Variants in MPRIP observed in about 807,000 individuals in gnomAD.
MPRIP encodes the protein myosin phosphatase Rho interacting protein, also known as myosin phosphatase Rho-interacting protein.
Under a neutral mutation model 234.9 loss-of-function variants are expected in MPRIP, and 59 were observed. The ratio of observed to expected loss-of-function variants is 0.25; its 90% CI spans 0.20 to 0.31. The LOEUF is 0.31. MPRIP is among the 10% of genes least tolerant of loss of function. The pLI, the probability that MPRIP is intolerant of heterozygous loss-of-function variation, is 1.00. For synonymous variants in MPRIP, 1,144 were observed against 1,263.9 expected, an observed-to-expected ratio of 0.91 and a Z score of 2.01; for missense variants, 2,436 against 3,071.0, an observed-to-expected ratio of 0.79 and a Z score of 4.89.
At chr17:17,130,355 TCTCCTTCCCTCTCTTCCTGTC>T in intron 4 of MPRIP, among the ~76,000 whole-genome samples, 1 of 151,546 alleles carries the variant, frequency 6.6e-6, no homozygotes, top group Non-Finnish European at 1.5e-5. Context: ...TTCTTCATTT[TCTCCTTCCCTCTCTTCCTGTC>T]CTCCTCCCCT....
intron 15 of MPRIP, 96 bp from the exon 16 acceptor site, chr17:17,164,013 C>T: frequency 1.2e-6 from 1 of 809,772 alleles, no homozygotes; most frequent in Non-Finnish European, 1.8e-6. Flanking sequence ...CCAAAGCCAT[C>T]AAGGAGCTTT....
intron 2 of MPRIP, chr17:17,077,781 T>C: frequency 2.1e-6 from 1 of 474,484 alleles, no homozygotes; most frequent in East Asian, 3.4e-5. Flanking sequence ...AGACTTCTTA[T>C]TAAGCCTCAA....
intron 18 of MPRIP, 113 bp downstream of exon 18, chr17:17,172,928 G>C: frequency 1.1e-6 from 1 of 927,240 alleles, no homozygotes; most frequent in South Asian, 1.5e-5. Flanking sequence ...GTGGGGCCTG[G>C]GGCCCCTGGG....
In MPRIP at chr17:17,192,537, C is replaced by T. The variant is rs2046616433; in HGVS notation, c.*7643C>T. The T allele has an allele frequency of 6.8e-6, 1 of 146,502 alleles. No homozygotes were observed. The highest frequency in any genetic ancestry group is 7.2e-5 in the Admixed American group (1 of 13,952). 9.1% of individuals were successfully genotyped at this position (146,502 alleles called of 1,614,324 possible). Reference sequence around the variant, plus strand: ...TGTTACTTTGTCAGAATATTTATTCCTTTGTGTGACATGCTAGATTCCCTG... The same window carrying T: ...TGTTACTTTGTCAGAATATTTATTCTTTTGTGTGACATGCTAGATTCCCTG... On this transcript the variant is annotated 3_prime_UTR_variant, in exon 24 of 24. Transcript: ENST00000651222.
intron 3 of MPRIP, among the ~76,000 whole-genome samples, chr17:17,109,760 G>T (rs1349069462): frequency 6.6e-6 from 1 of 152,104 alleles, no homozygotes; most frequent in Non-Finnish European, 1.5e-5. Flanking sequence ...CAATTCTAGG[G>T]CTGGGGCGGG....
At chr17:17,044,166 CAA>C (rs1342715257) in intron 1 of MPRIP, among the ~76,000 whole-genome samples, 4 of 152,156 alleles carry the variant, frequency 2.6e-5, no homozygotes, top group African/African-American at 9.7e-5. Context: ...ATCTAAACCC[CAA>C]AAGCTTAACG....
In MPRIP at chr17:17,143,479, G is replaced by A. The variant is rs1243574226; in HGVS notation, c.1390-77G>A. The A allele has an allele frequency of 6.3e-6, 6 of 947,184 alleles. No homozygotes were observed. The East Asian group carries it at 1.8e-4, about 29-fold the overall frequency. 58.7% of individuals were successfully genotyped at this position (947,184 alleles called of 1,614,324 possible). A position where few individuals can be genotyped will look rare whatever the true frequency, so the allele number is the denominator to read the frequency against. On this transcript the variant is annotated intron_variant, in intron 8 of 23. Transcript: ENST00000651222. ...CAAGGCCCTGGCGGCTCTTGGAGGG[G>A]TGGACAGCACCAGCTCGTCCCTCAC...
At chr17:17,050,321 A>G (rs1766773728) in intron 1 of MPRIP, among the ~76,000 whole-genome samples, 1 of 139,258 alleles carries the variant, frequency 7.2e-6, no homozygotes, top group Non-Finnish European at 1.5e-5. Flanking sequence ...TCTCAAAAAA[A>G]AAAAAAAAAA....
At chr17:17,174,735 T>A (rs1321406319) in intron 19 of MPRIP, among the ~76,000 whole-genome samples, 1 of 150,168 alleles carries the variant, frequency 6.7e-6, no homozygotes, top group African/African-American at 2.5e-5. Context: ...CTGGGAAGGC[T>A]GAGGCAGGAG....
At chr17:17,083,963 G>A (rs1417760011) in intron 3 of MPRIP, among the ~76,000 whole-genome samples, 3 of 152,138 alleles carry the variant, frequency 2.0e-5, no homozygotes, top group African/African-American at 2.4e-5. Flanking sequence ...GGATGGTCTC[G>A]ATCTCCTGAC....
chr17:17,081,958 AT>A (rs1490707545), intron 3 of MPRIP, among the ~76,000 whole-genome samples: 4 of 152,092 alleles, frequency 2.6e-5, no homozygotes, highest in African/African-American at 9.7e-5. Flanking sequence ...AGCCTGAGAG[AT>A]TTGGCTGGGC....
Position 17,164,929 on chromosome 17 carries a change from G to A in MPRIP, c.3338G>A (p.Arg1113Gln), listed in dbSNP as rs529107643. 36 of 1,303,826 alleles carry A rather than the reference G, an allele frequency of 2.8e-5. No individual in the cohort carries two copies. The highest frequency in any genetic ancestry group is 5.6e-5 in the East Asian group (1 of 18,006). The allele number at this position is 1,303,826 out of a possible 1,614,324, so 80.8% of individuals were successfully genotyped here. ...LCDERDLLRQ[R>Q]FQELTERVAT... ...GACGAGCGGGACCTCCTCAGACAGC[G>A]GTTCCAGGAGCTGACAGAGCGCGTG... The change falls in exon 16 of 24, where the codon CGG (arginine) becomes CAG (glutamine). Residue 1113 changes from arginine (R) to glutamine (Q), a missense_variant. Transcript: ENST00000651222.
chr17:17,106,381 A>G (rs2090063327), intron 3 of MPRIP, among the ~76,000 whole-genome samples: 1 of 152,252 alleles, frequency 6.6e-6, no homozygotes, highest in African/African-American at 2.4e-5. Context: ...GGCAGGCAGC[A>G]GCAGGAACAC....
intron 23 of MPRIP, chr17:17,181,709 A>T (rs1183357640): frequency 6.6e-6 from 1 of 152,182 alleles, no homozygotes; most frequent in East Asian, 1.9e-4. Context: ...GTTCACTATT[A>T]GTGATTTGGG....
chr17:17,089,991 G>T (rs1206871262), intron 3 of MPRIP, among the ~76,000 whole-genome samples: 3 of 152,124 alleles, frequency 2.0e-5, no homozygotes, highest in Non-Finnish European at 4.4e-5. Context: ...GTAGAGCGCA[G>T]CAGACACGAC....
At chr17:17,177,925 ATTTT>A (rs35154903) in intron 22 of MPRIP, among the ~76,000 whole-genome samples, 4 of 127,254 alleles carry the variant, frequency 3.1e-5, no homozygotes, top group African/African-American at 2.8e-5. Flanking sequence ...CTCATACGTA[ATTTT>A]TTTTTTTTTT....
rs2088861408 is a variant in MPRIP at position 17,061,327 on chromosome 17, GC to G, written c.124-14382del. Among the ~76,000 whole-genome samples the G allele has an allele frequency of 2.0e-5, 3 of 152,236 alleles. No individual in the cohort carries two copies. The South Asian group carries it at 6.2e-4, about 32-fold the overall frequency. On this transcript the variant is annotated intron_variant, in intron 1 of 23. Coordinates refer to ENST00000651222, the MANE Select transcript of MPRIP (RefSeq NM_001364716.4). Reference sequence around the variant, plus strand: ...ACAAGCTTAGAAAGAGGGCCAGACGGCTGCTACCCAGGTATCCTTTCTCTTT... The same window carrying G: ...ACAAGCTTAGAAAGAGGGCCAGACGGTGCTACCCAGGTATCCTTTCTCTTT...
chr17:17,077,719 C>T (rs933580921), intron 2 of MPRIP: 15 of 383,870 alleles, frequency 3.9e-5, no homozygotes, highest in South Asian at 1.7e-4. Flanking sequence ...GGTAACCACA[C>T]GTTGTTTCTG....
intron 8 of MPRIP, 134 bp from the exon 9 acceptor site, chr17:17,143,422 T>G (rs6502563): frequency 0.84 from 449,042 of 536,362 alleles, 188,897 homozygotes; most frequent in East Asian, 0.99. Context: ...CTTGCTATGG[T>G]GGCTAGGCAG....
Sources: gnomAD v4.1 joint callset for allele counts (sites outside exome capture counted in the v4.1 genomes callset) on GRCh38, gnomAD v4.1.1 for gene constraint, MANE v1.5 for transcripts, NCBI Gene and HGNC (gene_info 2026-07-23, HGNC 2026-07-21) for gene names.